Variants in STXBP4 observed in about 807,000 individuals in gnomAD.
STXBP4 encodes syntaxin-binding protein 4.
A neutral mutation model predicts 76.1 loss-of-function variants in STXBP4; 55 were observed. The ratio of observed to expected loss-of-function variants is 0.72; its 90% CI spans 0.58 to 0.91. The LOEUF is 0.91. Among genes scored for constraint, STXBP4 ranks in the 40% least tolerant of loss-of-function variants. The probability of loss-of-function intolerance (pLI) is 0.00; values close to 1 mark genes in which losing one functional copy is unlikely to be tolerated. For missense variants in STXBP4, 618 were observed against 636.9 expected, an observed-to-expected ratio of 0.97 and a Z score of 0.32; for synonymous variants, 201 against 220.2, an observed-to-expected ratio of 0.91 and a Z score of 0.77.
At chr17:55,078,945 T>C (rs970487397) in intron 15 of STXBP4, among the ~76,000 whole-genome samples, 1 of 152,182 alleles carries the variant, frequency 6.6e-6, no homozygotes, top group Admixed American at 6.6e-5. Context: ...TAGTCAATCA[T>C]TGTAACCTTG....
chr17:55,132,706 AAGGAAAGAGAG>A (rs2079986044), intron 16 of STXBP4, among the ~76,000 whole-genome samples: 2 of 152,152 alleles, frequency 1.3e-5, no homozygotes, highest in Admixed American at 1.3e-4. Flanking sequence ...GCATCCTAGT[AAGGAAAGAGAG>A]AGGAAAGAAA....
At chr17:55,145,240 G>A (rs1399497277) in intron 17 of STXBP4, among the ~76,000 whole-genome samples, 1 of 152,210 alleles carries the variant, frequency 6.6e-6, no homozygotes, top group Non-Finnish European at 1.5e-5. Context: ...TTTTGAGTCT[G>A]TGTAGCCTGT....
At chr17:55,101,045 T>C (rs933021411) in intron 16 of STXBP4, among the ~76,000 whole-genome samples, 1 of 152,178 alleles carries the variant, frequency 6.6e-6, no homozygotes, top group African/African-American at 2.4e-5. Context: ...AGCTAAGCCA[T>C]GTCCAGACTC....
chr17:55,068,916 G>T (rs1041155559), intron 12 of STXBP4, among the ~76,000 whole-genome samples: 5 of 152,176 alleles, frequency 3.3e-5, no homozygotes, highest in Admixed American at 1.3e-4. Context: ...TGGGGGAAAA[G>T]TACTGTATGT....
chr17:55,139,632 A>G (rs985542582), intron 16 of STXBP4, among the ~76,000 whole-genome samples: 2 of 152,150 alleles, frequency 1.3e-5, no homozygotes, highest in Non-Finnish European at 2.9e-5. Context: ...GCAGTTTATC[A>G]TGGCGCATCT....
At chr17:55,158,983 G>A (rs1043324867) in intron 17 of STXBP4, among the ~76,000 whole-genome samples, 14 of 152,192 alleles carry the variant, frequency 9.2e-5, no homozygotes, top group Admixed American at 7.2e-4. Flanking sequence ...AGTGGCACAC[G>A]CCTGTAATCC....
the STXBP4 span, among the ~76,000 whole-genome samples, chr17:55,203,679 C>T: frequency 6.6e-6 from 1 of 152,124 alleles, no homozygotes; most frequent in Non-Finnish European, 1.5e-5. Context: ...CAATCATACA[C>T]ATCCTCTAAT....
chr17:55,040,049 C>G (rs144176992), intron 10 of STXBP4, among the ~76,000 whole-genome samples: 1 of 151,994 alleles, frequency 6.6e-6, no homozygotes, highest in Admixed American at 6.6e-5. Context: ...CCTCCCAAAC[C>G]CCCTTTCTCC....
At chr17:55,146,567 A>T (rs761367445) in intron 17 of STXBP4, among the ~76,000 whole-genome samples, 4 of 152,044 alleles carry the variant, frequency 2.6e-5, no homozygotes, top group Non-Finnish European at 4.4e-5. Flanking sequence ...ACAAAAAAAC[A>T]TTAGCCAGGC....
At chr17:55,128,203 G>A (rs1459975334) in intron 16 of STXBP4, among the ~76,000 whole-genome samples, 1 of 152,196 alleles carries the variant, frequency 6.6e-6, no homozygotes, top group African/African-American at 2.4e-5. Context: ...CTATGTGTGA[G>A]ATACTGTCCT....
intron 12 of STXBP4, among the ~76,000 whole-genome samples, chr17:55,061,604 C>T (rs1454626105): frequency 6.6e-6 from 1 of 152,276 alleles, no homozygotes; most frequent in Non-Finnish European, 1.5e-5. Flanking sequence ...TTACTCAGAT[C>T]CCTCATGCTA....
intron 12 of STXBP4, among the ~76,000 whole-genome samples, chr17:55,071,420 GAC>G (rs1431854107): frequency 6.6e-6 from 1 of 152,148 alleles, no homozygotes; most frequent in African/African-American, 2.4e-5. Context: ...TTCTCTGAAA[GAC>G]ACAAATCACA....
At chr17:55,209,515 C>G in the STXBP4 span, among the ~76,000 whole-genome samples, 1 of 152,192 alleles carries the variant, frequency 6.6e-6, no homozygotes, top group Non-Finnish European at 1.5e-5. Flanking sequence ...TTGTGCCTCA[C>G]TTTCCTCATC....
chr17:55,145,497 A>T (rs2080142173), intron 17 of STXBP4, among the ~76,000 whole-genome samples: 1 of 152,246 alleles, frequency 6.6e-6, no homozygotes, highest in Non-Finnish European at 1.5e-5. Context: ...AGCCTCTGGC[A>T]AGGGAATAAC....
At position 55,003,895 on chromosome 17, in the gene STXBP4, G is replaced by C. The variant is rs369183754; in HGVS notation, c.574+3012G>C. Among the ~76,000 whole-genome samples, 7 of 152,226 alleles carry C rather than the reference G, an allele frequency of 4.6e-5. No individual in the cohort carries two copies. In the South Asian group the frequency reaches 1.2e-3, roughly 27 times the overall value. Reference sequence around the variant, plus strand: ...TAGCAATAAACAATTGTTGCAGCCAGGTGCGGTGGCTCACATCTGTAATCC... The same window carrying C: ...TAGCAATAAACAATTGTTGCAGCCACGTGCGGTGGCTCACATCTGTAATCC... On this transcript the variant is annotated intron_variant, in intron 7 of 17. Coordinates refer to ENST00000376352, the MANE Select transcript of STXBP4 (RefSeq NM_178509.6).
Position 55,160,454 on chromosome 17 carries a change from G to A in STXBP4, c.*543G>A, listed in dbSNP as rs528240322. 1.3e-5 allele frequency: 2 copies of A among 152,764 alleles called. No homozygotes were observed. Among genetic ancestry groups the A allele is most frequent in the South Asian group, 4.2e-4 (2 of 4,810 alleles). The allele number at this position is 152,764 out of a possible 1,614,324, so 9.5% of individuals were successfully genotyped here. A position where few individuals can be genotyped will look rare whatever the true frequency, so the allele number is the denominator to read the frequency against. On this transcript the variant is annotated 3_prime_UTR_variant, in exon 18 of 18. Transcript: ENST00000376352. ...AGCTTTCTAATTTACAAAATGCTTTGTAGACCCCATTGTCTTTAAACCATA... is the reference window on the plus strand; with the variant it reads ...AGCTTTCTAATTTACAAAATGCTTTATAGACCCCATTGTCTTTAAACCATA...
At chr17:55,182,911 T>C in the STXBP4 span, among the ~76,000 whole-genome samples, 3 of 151,852 alleles carry the variant, frequency 2.0e-5, no homozygotes, top group Non-Finnish European at 4.4e-5. Flanking sequence ...GTCAAGAGAA[T>C]TGAAGAGACC....
At chr17:55,113,217 CCACACACACA>C (rs10611316) in intron 16 of STXBP4, among the ~76,000 whole-genome samples, 1,800 of 141,396 alleles carry the variant, frequency 0.013, 45 homozygotes, top group African/African-American at 0.042. Flanking sequence ...GGTGCTCTTA[CCACACACACA>C]CACACACACA....
At chr17:55,116,323 A>T (rs1567769356) in intron 16 of STXBP4, among the ~76,000 whole-genome samples, 1 of 151,910 alleles carries the variant, frequency 6.6e-6, no homozygotes, top group East Asian at 1.9e-4. Context: ...CACAACACAT[A>T]GATATATATT....
Sources: allele counts gnomAD v4.1 joint callset (sites outside exome capture counted in the v4.1 genomes callset), GRCh38; gene constraint gnomAD v4.1.1; transcripts MANE v1.5; gene names NCBI Gene and HGNC (gene_info 2026-07-23, HGNC 2026-07-21).